SLC36A1: variants seen among roughly 807,000 people sequenced by gnomAD.
SLC36A1 encodes proton-coupled amino acid transporter 1.
A neutral mutation model predicts 47.5 loss-of-function variants in SLC36A1; 30 were observed. The observed-to-expected ratio is 0.63, with a 90% CI of 0.47 to 0.86. The LOEUF is 0.86. Among genes scored for constraint, SLC36A1 ranks in the 40% least tolerant of loss-of-function variants. The pLI, the probability that SLC36A1 is intolerant of heterozygous loss-of-function variation, is 0.00. For missense variants in SLC36A1, 517 were observed against 606.0 expected (o/e 0.85, Z 1.54); for synonymous variants, 255 against 249.7 (o/e 1.02, Z -0.20).
the SLC36A1 span, among the ~76,000 whole-genome samples, chr5:151,428,853 G>A: frequency 2.0e-5 from 3 of 152,138 alleles, no homozygotes; most frequent in South Asian, 2.1e-4. Context: ...GGCTGGTCTC[G>A]AACTCCTGAC....
chr5:151,444,406 G>A (rs1752801256), upstream of SLC36A1, among the ~76,000 whole-genome samples: 1 of 152,028 alleles, frequency 6.6e-6, no homozygotes, highest in African/African-American at 2.4e-5. Flanking sequence ...TGATTATTGA[G>A]TATTTTTTAA....
the SLC36A1 span, among the ~76,000 whole-genome samples, chr5:151,501,597 C>A: frequency 6.7e-6 from 1 of 148,334 alleles, no homozygotes; most frequent in Non-Finnish European, 1.5e-5. Context: ...TATTTTCTGT[C>A]ATACTGGCCA....
chr5:151,348,062 G>C, the SLC36A1 span, among the ~76,000 whole-genome samples: 3 of 152,294 alleles, frequency 2.0e-5, no homozygotes, highest in East Asian at 5.8e-4. Flanking sequence ...ACAGTCTGCT[G>C]TAAGACATCC....
chr5:151,537,887 A>G, the SLC36A1 span: 2 of 1,614,198 alleles, frequency 1.2e-6, no homozygotes, highest in Non-Finnish European at 1.7e-6. Context: ...CTGTGGCAGA[A>G]ACCTTCAAAA....
At chr5:151,547,182 T>C in the SLC36A1 span, among the ~76,000 whole-genome samples, 1 of 152,042 alleles carries the variant, frequency 6.6e-6, no homozygotes, top group South Asian at 2.1e-4. Context: ...TAAAAAGAAG[T>C]CAAAGAAAAA....
At chr5:151,480,009 T>C in intron 10 of SLC36A1, 1 of 958,254 alleles carries the variant, frequency 1.0e-6, no homozygotes. Flanking sequence ...CCTAGGTATT[T>C]GATTGATCAC....
the SLC36A1 span, chr5:151,542,627 A>G: frequency 6.2e-7 from 1 of 1,614,220 alleles, no homozygotes; most frequent in East Asian, 2.2e-5. Context: ...GACAGCCTGT[A>G]GCTCACCTGG....
the SLC36A1 span, among the ~76,000 whole-genome samples, chr5:151,373,252 A>G: frequency 1.3e-5 from 2 of 152,066 alleles, no homozygotes; most frequent in Non-Finnish European, 2.9e-5. Context: ...AGGCAACATC[A>G]TGAGACCTCG....
At chr5:151,411,598 G>T in the SLC36A1 span, among the ~76,000 whole-genome samples, 2 of 144,748 alleles carry the variant, frequency 1.4e-5, no homozygotes, top group Non-Finnish European at 3.0e-5. Context: ...CTGAGCAAAG[G>T]CTTCGGGAGC....
chr5:151,512,511 G>A, the SLC36A1 span: 1 of 1,614,152 alleles, frequency 6.2e-7, no homozygotes. The surrounding 1 kb of genome is among the most constrained non-coding windows in gnomAD (Gnocchi z 4.1). Flanking sequence ...CCAGGATGGA[G>A]TGCCACTCGT....
the SLC36A1 span, chr5:151,347,499 G>A: frequency 1.9e-6 from 3 of 1,610,864 alleles, no homozygotes; most frequent in East Asian, 2.2e-5. Context: ...TGACAAAGAG[G>A]TCTGCTCTGG....
chr5:151,538,440 A>C, the SLC36A1 span, among the ~76,000 whole-genome samples: 1 of 152,068 alleles, frequency 6.6e-6, no homozygotes, highest in Non-Finnish European at 1.5e-5. Flanking sequence ...CAGACCCTTG[A>C]CCTTTGAGTC....
intron 7 of SLC36A1, among the ~76,000 whole-genome samples, chr5:151,470,564 G>A (rs1757179425): frequency 6.6e-6 from 1 of 152,192 alleles, no homozygotes; most frequent in Admixed American, 6.5e-5. Flanking sequence ...AGTACAGCAT[G>A]GGGGAAGAGG....
chr5:151,425,994 CTATCT>C, the SLC36A1 span, among the ~76,000 whole-genome samples: 1 of 152,008 alleles, frequency 6.6e-6, no homozygotes, highest in Non-Finnish European at 1.5e-5. Context: ...ATCTATCTAT[CTATCT>C]ATCTATACCT....
chr5:151,484,641 T>A (rs1027715987), intron 10 of SLC36A1, among the ~76,000 whole-genome samples: 2 of 152,232 alleles, frequency 1.3e-5, no homozygotes, highest in African/African-American at 4.8e-5. Context: ...TAAGCTGATT[T>A]GCCCTGCACC....
chr5:151,393,370 T>C, the SLC36A1 span, among the ~76,000 whole-genome samples: 1 of 152,326 alleles, frequency 6.6e-6, no homozygotes, highest in Admixed American at 6.5e-5. Flanking sequence ...TGCCAGTCTG[T>C]GTCTTTTAAT....
the SLC36A1 span, chr5:151,521,333 C>T: frequency 3.4e-5 from 55 of 1,613,740 alleles, no homozygotes; most frequent in Admixed American, 8.3e-5. Flanking sequence ...CTGAGCCTGG[C>T]GGTGCTGTAC....
the SLC36A1 span, among the ~76,000 whole-genome samples, chr5:151,547,460 C>T: frequency 6.6e-6 from 1 of 152,204 alleles, no homozygotes; most frequent in Non-Finnish European, 1.5e-5. Context: ...ACAGGCCTTA[C>T]ACTTGAGAAA....
At chr5:151,456,545 C>A (rs996055671) in intron 1 of SLC36A1, among the ~76,000 whole-genome samples, 4 of 152,102 alleles carry the variant, frequency 2.6e-5, no homozygotes, top group African/African-American at 9.7e-5. Flanking sequence ...TAAGATACTT[C>A]AGAGATTTTT....
Sources: gnomAD v4.1 joint callset for allele counts (sites outside exome capture counted in the v4.1 genomes callset) on GRCh38, gnomAD v4.1.1 for gene constraint, Gnocchi (gnomAD v3.1) non-coding constraint, MANE v1.5 for transcripts, NCBI Gene and HGNC (gene_info 2026-07-23, HGNC 2026-07-21) for gene names.